The following HNRNPC variants were observed in gnomAD, a reference collection of about 807,000 sequenced individuals.
HNRNPC encodes heterogeneous nuclear ribonucleoproteins C1/C2.
A neutral mutation model predicts 33.2 loss-of-function variants in HNRNPC; 3 were observed. That is an observed-to-expected ratio of 0.09 (90% CI 0.04 to 0.23). The LOEUF is 0.23. HNRNPC is among the 10% of genes least tolerant of loss of function. The pLI, the probability that HNRNPC is intolerant of heterozygous loss-of-function variation, is 1.00. For missense variants in HNRNPC, 143 were observed against 366.7 expected (o/e 0.39, Z 4.98); for synonymous variants, 121 against 126.7 (o/e 0.96, Z 0.30).
chr14:21,231,138 A>AT (rs1288341006), intron 3 of HNRNPC, 66 bp from the exon 4 acceptor site: 61 of 1,461,344 alleles, frequency 4.2e-5, no homozygotes, highest in South Asian at 7.0e-5. Flanking sequence ...TACAAAGTTT[A>AT]TTTTTTTTAT....
chr14:21,244,275 T>G (rs1178018901), intron 2 of HNRNPC, among the ~76,000 whole-genome samples: 1 of 152,232 alleles, frequency 6.6e-6, no homozygotes, highest in Non-Finnish European at 1.5e-5. Context: ...GCAGGGATTA[T>G]AGGCGTGAGC....
intron 1 of HNRNPC, chr14:21,265,177 C>A (rs187685056): frequency 2.6e-5 from 4 of 152,202 alleles, no homozygotes; most frequent in East Asian, 1.9e-4. Flanking sequence ...GTACAAATTG[C>A]GGAAAAAGTT....
chr14:21,257,502 T>C (rs1271360527), intron 2 of HNRNPC, among the ~76,000 whole-genome samples: 1 of 152,144 alleles, frequency 6.6e-6, no homozygotes, highest in Non-Finnish European at 1.5e-5. Context: ...TCCGTGGTTC[T>C]TTTTTAACCA....
At chr14:21,224,055 C>T (rs148151209) in intron 5 of HNRNPC, among the ~76,000 whole-genome samples, 5 of 152,038 alleles carry the variant, frequency 3.3e-5, no homozygotes, top group Non-Finnish European at 7.4e-5. Context: ...TTCAAATAAC[C>T]TAAGTATTTT....
At chr14:21,253,132 C>CCA (rs747919520) in intron 2 of HNRNPC, among the ~76,000 whole-genome samples, 15 of 149,488 alleles carry the variant, frequency 1.0e-4, no homozygotes, top group Non-Finnish European at 1.9e-4. Context: ...CGGGATCGCA[C>CCA]CACTGCACTC....
At chr14:21,259,446 T>C (rs1877799646) in intron 2 of HNRNPC, among the ~76,000 whole-genome samples, 1 of 152,226 alleles carries the variant, frequency 6.6e-6, no homozygotes, top group African/African-American at 2.4e-5. Context: ...CTAATGATTT[T>C]CAAATAGTAC....
At chr14:21,238,131 T>C (rs1168679809) in intron 2 of HNRNPC, among the ~76,000 whole-genome samples, 4 of 152,304 alleles carry the variant, frequency 2.6e-5, no homozygotes, top group South Asian at 4.1e-4. Flanking sequence ...AAACCACTTG[T>C]AGAATGAATA....
chr14:21,267,994 T>C (rs997826079), intron 1 of HNRNPC, among the ~76,000 whole-genome samples: 4 of 152,266 alleles, frequency 2.6e-5, no homozygotes, highest in South Asian at 4.1e-4. Context: ...TTACTTCCTA[T>C]CAAATAGATT....
intron 2 of HNRNPC, among the ~76,000 whole-genome samples, chr14:21,252,375 ATCTTGGC>A (rs1896769644): frequency 6.6e-6 from 1 of 152,154 alleles, no homozygotes; most frequent in Non-Finnish European, 1.5e-5. Flanking sequence ...CAGTGGCAGT[ATCTTGGC>A]TCACTGCAAC....
chr14:21,214,281 C>T (rs552756547), intron 5 of HNRNPC, among the ~76,000 whole-genome samples: 3 of 152,272 alleles, frequency 2.0e-5, no homozygotes, highest in South Asian at 4.1e-4. Flanking sequence ...ATGATTCTCC[C>T]TCTTATATAT....
chr14:21,216,787 C>G (rs1288526710), intron 5 of HNRNPC, among the ~76,000 whole-genome samples: 1 of 152,182 alleles, frequency 6.6e-6, no homozygotes, highest in Admixed American at 6.5e-5. Context: ...GAACTACCAA[C>G]TGATGACAGA....
At chr14:21,225,651 T>A (rs780740000) in intron 5 of HNRNPC, among the ~76,000 whole-genome samples, 1 of 152,076 alleles carries the variant, frequency 6.6e-6, no homozygotes, top group Non-Finnish European at 1.5e-5. Context: ...CTGATGTAGG[T>A]AGGGTCCACG....
chr14:21,233,810 G>A, intron 3 of HNRNPC, 143 bp downstream of exon 3: 2 of 1,021,038 alleles, frequency 2.0e-6, no homozygotes, highest in Non-Finnish European at 2.8e-6. Context: ...ATAACTATAA[G>A]CCTAATGTAT....
chr14:21,255,747 ATTGT>A (rs1326951179), intron 2 of HNRNPC, among the ~76,000 whole-genome samples: 1 of 152,252 alleles, frequency 6.6e-6, no homozygotes, highest in African/African-American at 2.4e-5. Flanking sequence ...ATCAATGTTA[ATTGT>A]TTGGCATATG....
rs1031893903 is a variant in HNRNPC at position 21,233,869 on chromosome 14, G to A, written c.241+84C>T. The A allele has an allele frequency of 2.0e-6, 3 of 1,514,552 alleles. No homozygotes were observed. The African/African-American group carries it at 4.2e-5, about 21-fold the overall frequency. The allele number at this position is 1,514,552 out of a possible 1,614,324, so 93.8% of individuals were successfully genotyped here. Reference sequence around the variant, plus strand: ...ATATCCAGAATATCTCATGCTGTCAGTTTTACAGACATAAAGACAAAAAAA... The same window carrying A: ...ATATCCAGAATATCTCATGCTGTCAATTTTACAGACATAAAGACAAAAAAA... On this transcript the variant is annotated intron_variant, in intron 3 of 8. Coordinates refer to ENST00000553300, the MANE Select transcript of HNRNPC (RefSeq NM_004500.4).
chr14:21,232,972 G>A (rs1468878634), intron 3 of HNRNPC, among the ~76,000 whole-genome samples: 1 of 152,042 alleles, frequency 6.6e-6, no homozygotes, highest in Non-Finnish European at 1.5e-5. Context: ...GGGAGGCTGA[G>A]GTTACAATTA....
intron 2 of HNRNPC, among the ~76,000 whole-genome samples, chr14:21,238,465 G>A (rs2077604410): frequency 6.6e-6 from 1 of 152,150 alleles, no homozygotes; most frequent in Non-Finnish European, 1.5e-5. Flanking sequence ...CATTTTCACA[G>A]TTTCTCTGTA....
intron 2 of HNRNPC, among the ~76,000 whole-genome samples, chr14:21,253,120 G>T (rs903909134): frequency 6.6e-6 from 1 of 150,406 alleles, no homozygotes; most frequent in Admixed American, 6.7e-5. Context: ...GTTGCAGTGA[G>T]CCGGGATCGC....
intron 2 of HNRNPC, among the ~76,000 whole-genome samples, chr14:21,244,226 T>C (rs183478003): frequency 3.9e-4 from 60 of 152,282 alleles, no homozygotes; most frequent in African/African-American, 1.3e-3. Flanking sequence ...CTCCAACTCC[T>C]GACCTCAGGT....
Sources: gnomAD v4.1 joint callset for allele counts (sites outside exome capture counted in the v4.1 genomes callset) on GRCh38, gnomAD v4.1.1 for gene constraint, MANE v1.5 for transcripts, NCBI Gene and HGNC (gene_info 2026-07-23, HGNC 2026-07-21) for gene names.